Variants in SDK2 observed in about 807,000 individuals in gnomAD.
SDK2 encodes the protein sidekick cell adhesion molecule 2.
Under a neutral mutation model 253.9 loss-of-function variants are expected in SDK2, and 105 were observed. That is an observed-to-expected ratio of 0.41 (90% CI 0.35 to 0.49). The LOEUF is 0.49. Among genes scored for constraint, SDK2 ranks in the 20% least tolerant of loss-of-function variants. The pLI, the probability that SDK2 is intolerant of heterozygous loss-of-function variation, is 0.06. For missense variants in SDK2, 2,608 were observed against 3,003.0 expected, an observed-to-expected ratio of 0.87 and a Z score of 3.07; for synonymous variants, 1,249 against 1,234.9, an observed-to-expected ratio of 1.01 and a Z score of -0.24.
chr17:73,553,348 C>G (rs2045093953), intron 1 of SDK2, among the ~76,000 whole-genome samples: 1 of 152,162 alleles, frequency 6.6e-6, no homozygotes, highest in Non-Finnish European at 1.5e-5. Flanking sequence ...CTATTTAATA[C>G]CAGGGTCTCC....
rs772219309 is a variant in SDK2, at chr17:73,338,538, A to G, written c.*49T>C. ...CTGGCAGGCAGTGAGAGGAGGGGTG[A>G]AGGAGGAGTTTGGTGCCATTTCTCT... On this transcript the variant is annotated 3_prime_UTR_variant, in exon 45 of 45. Transcript: ENST00000392650. This position sits in a 1 kb window ranked among gnomAD's most constrained non-coding sequence, Gnocchi z 5.0. 4.2e-5 allele frequency: 47 copies of G among 1,109,456 alleles called. No individual in the cohort carries two copies. The highest frequency in any genetic ancestry group is 5.5e-5 in the Non-Finnish European group (43 of 778,988). The allele number at this position is 1,109,456 out of a possible 1,614,324, so 68.7% of individuals were successfully genotyped here.
chr17:73,434,988 G>A (rs11654469), intron 9 of SDK2, among the ~76,000 whole-genome samples: 78,994 of 151,932 alleles, frequency 0.52, 20,862 homozygotes, highest in African/African-American at 0.57. Flanking sequence ...GGCAACTATG[G>A]CAACCCCTGA....
rs1231455326 is a variant in SDK2, at chr17:73,386,467, C to T, written c.4476G>A (p.Glu1492=). Reference sequence around the variant, plus strand: ...GACCAGCCTGCAGGGTGGTCAGTGACTCCGACTCCTCGCTGAACTCGCTGT... The same window carrying T: ...GACCAGCCTGCAGGGTGGTCAGTGATTCCGACTCCTCGCTGAACTCGCTGT... ...IGDSEFSEES[E]SLTTLQAAPD... The change falls in exon 31 of 45, where the codon GAG becomes GAA. Residue 1492 remains glutamate, a synonymous_variant. Coordinates refer to ENST00000392650, the MANE Select transcript of SDK2 (RefSeq NM_001144952.2). 1 of 1,559,264 alleles carries T rather than the reference C, an allele frequency of 6.4e-7. No homozygotes were observed. The highest frequency in any genetic ancestry group is 1.9e-5 in the Admixed American group (1 of 52,178).
rs868105444 is a variant in SDK2, at chr17:73,639,380, G to A, written c.64+4645C>T. ...GGGATGCTGAGCATCCCTGCTCAAC[G>A]CTGCTCACTGGCTCTGCCTCCTGCC... On this transcript the variant is annotated intron_variant, in intron 1 of 44. Coordinates refer to ENST00000392650, the MANE Select transcript of SDK2 (RefSeq NM_001144952.2). The surrounding 1 kb of genome is among the most constrained non-coding windows in gnomAD (Gnocchi z 4.3). 1.3e-5 allele frequency among the ~76,000 whole-genome samples: 2 copies of A among 152,160 alleles called. No individual in the cohort carries two copies. Among genetic ancestry groups the A allele is most frequent in the African/African-American group, 4.8e-5 (2 of 41,448 alleles).
chr17:73,531,792 C>T (rs911966945), intron 1 of SDK2, among the ~76,000 whole-genome samples: 1 of 152,138 alleles, frequency 6.6e-6, no homozygotes, highest in African/African-American at 2.4e-5. Flanking sequence ...TCTGGAAATA[C>T]TGACTCCATG....
chr17:73,431,668 C>A lies in SDK2; in HGVS notation c.1314G>T (p.Gly438=), dbSNP rs781199730. The A allele has an allele frequency of 3.7e-6, 6 of 1,604,316 alleles. No homozygotes were observed. The highest frequency in any genetic ancestry group is 1.3e-5 in the African/African-American group (1 of 74,634). ...CAGAGCCACTGGCCAAGATGCGCTC[C>A]CCTGAGGGCAAAACAGGGTGGGGGT... ...APRPAITWQK[G]ERILASGSVQ... Residue 438 remains glycine (G), a splice_region_variant and synonymous_variant, in exon 11 of 45, where the codon GGG becomes GGT. Coordinates refer to ENST00000392650, the MANE Select transcript of SDK2 (RefSeq NM_001144952.2). This position sits in a 1 kb window ranked among gnomAD's most constrained non-coding sequence, Gnocchi z 5.6.
chr17:73,558,749 C>T (rs1305568654), intron 1 of SDK2, among the ~76,000 whole-genome samples: 1 of 152,128 alleles, frequency 6.6e-6, no homozygotes, highest in Non-Finnish European at 1.5e-5. Context: ...CTTCAGGGCC[C>T]CCGCACCAAG....
At chr17:73,492,418 G>A (rs979992798) in intron 2 of SDK2, among the ~76,000 whole-genome samples, 5 of 152,102 alleles carry the variant, frequency 3.3e-5, no homozygotes, top group African/African-American at 9.7e-5. Flanking sequence ...GGCCTCCAGG[G>A]ACTGTGCCCT....
chr17:73,485,648 T>G (rs1220702639), intron 2 of SDK2, among the ~76,000 whole-genome samples: 1 of 152,220 alleles, frequency 6.6e-6, no homozygotes, highest in Non-Finnish European at 1.5e-5. Flanking sequence ...AGTTCACACA[T>G]TTTTAGCAAA....
intron 9 of SDK2, among the ~76,000 whole-genome samples, chr17:73,434,656 T>C (rs1338403274): frequency 6.6e-6 from 1 of 152,220 alleles, no homozygotes; most frequent in Non-Finnish European, 1.5e-5. Context: ...CTTTTGTTTT[T>C]TTGAGACAGG....
At chr17:73,555,066 C>A (rs2145842622) in intron 1 of SDK2, among the ~76,000 whole-genome samples, 1 of 152,364 alleles carries the variant, frequency 6.6e-6, no homozygotes, top group East Asian at 1.9e-4. Context: ...TCTGACAGCG[C>A]CAATCCCCAT....
rs534347648 is a variant in SDK2 at position 73,586,459 on chromosome 17, C to T, written c.64+57566G>A. Among the ~76,000 whole-genome samples the T allele has an allele frequency of 1.8e-3, 268 of 152,274 alleles. 2 individuals carry two copies. The highest frequency in any genetic ancestry group is 6.0e-3 in the African/African-American group (249 of 41,556). On this transcript the variant is annotated intron_variant, in intron 1 of 44. Transcript: ENST00000392650. ...TAATTAAAAGCAGCCTCTCCCTTCG[C>T]GCCAGTGTACTCGCCATAAATTAAT...
At chr17:73,537,353 C>A (rs966217678) in intron 1 of SDK2, among the ~76,000 whole-genome samples, 1 of 152,128 alleles carries the variant, frequency 6.6e-6, no homozygotes, top group African/African-American at 2.4e-5. Context: ...CGCTTTGGGG[C>A]CTTCAGAACT....
chr17:73,373,911 A>T (rs112377699), intron 36 of SDK2, among the ~76,000 whole-genome samples: 2,685 of 146,376 alleles, frequency 0.018, 302 homozygotes, highest in African/African-American at 0.069. Flanking sequence ...TGCTGGGATT[A>T]CAGGCATGAG....
intron 3 of SDK2, among the ~76,000 whole-genome samples, chr17:73,464,735 G>A (rs1030568051): frequency 6.6e-6 from 1 of 152,070 alleles, no homozygotes; most frequent in Non-Finnish European, 1.5e-5. Flanking sequence ...TTTGAGACTC[G>A]ATTCCATGTC....
At chr17:73,396,203 A>G (rs1360127276) in intron 24 of SDK2, among the ~76,000 whole-genome samples, 2 of 152,190 alleles carry the variant, frequency 1.3e-5, no homozygotes, top group Non-Finnish European at 2.9e-5. Flanking sequence ...AGTCTCACAG[A>G]AAAGAAAAGT....
chr17:73,344,764 G>A (rs2062468398), intron 44 of SDK2, among the ~76,000 whole-genome samples: 1 of 152,184 alleles, frequency 6.6e-6, no homozygotes, highest in African/African-American at 2.4e-5. Flanking sequence ...GAGCCTGTTG[G>A]ACTCATGGCC....
Position 73,395,531 on chromosome 17 carries a change from G to C in SDK2, c.3355-139C>G. The C allele has an allele frequency of 1.5e-6, 1 of 650,704 alleles. No individual in the cohort carries two copies. The highest frequency in any genetic ancestry group is 2.7e-6 in the Non-Finnish European group (1 of 371,964). The allele number at this position is 650,704 out of a possible 1,614,324, so 40.3% of individuals were successfully genotyped here. ...GTCACCCGGTCAGTGTCCACATGAG[G>C]CTCTCTCACCCGAGTGTGGCTTAGG... On this transcript the variant is annotated intron_variant, in intron 24 of 44. Transcript: ENST00000392650. The surrounding 1 kb of genome is among the most constrained non-coding windows in gnomAD (Gnocchi z 4.3).
At chr17:73,411,632 C>T (rs948028547) in intron 18 of SDK2, among the ~76,000 whole-genome samples, 11 of 152,030 alleles carry the variant, frequency 7.2e-5, no homozygotes, top group East Asian at 3.9e-4. Context: ...TTTAGTCCTC[C>T]GTGGGGAGGA....
Sources: allele counts gnomAD v4.1 joint callset (sites outside exome capture counted in the v4.1 genomes callset), GRCh38; gene constraint gnomAD v4.1.1; non-coding constraint Gnocchi (gnomAD v3.1); transcripts MANE v1.5; gene names NCBI Gene and HGNC (gene_info 2026-07-23, HGNC 2026-07-21).